SECISBP2L: variants seen among roughly 807,000 people sequenced by gnomAD.
SECISBP2L encodes SECIS binding protein 2 like, also known as selenocysteine insertion sequence-binding protein 2-like.
In SECISBP2L, 43 loss-of-function variants were observed where a neutral mutation model predicts 114.7. That is an observed-to-expected ratio of 0.38 (90% CI 0.29 to 0.48). SECISBP2L has a LOEUF of 0.48. SECISBP2L is among the 20% of genes least tolerant of loss of function. The pLI, the probability that SECISBP2L is intolerant of heterozygous loss-of-function variation, is 0.98. For missense variants in SECISBP2L, 1,136 were observed against 1,301.1 expected, an observed-to-expected ratio of 0.87 and a Z score of 1.95; for synonymous variants, 451 against 439.7, an observed-to-expected ratio of 1.03 and a Z score of -0.32.
intron 2 of SECISBP2L, among the ~76,000 whole-genome samples, chr15:49,037,033 A>G (rs994454221): frequency 5.9e-5 from 9 of 152,198 alleles, no homozygotes; most frequent in Non-Finnish European, 5.9e-5. Context: ...CAGGGTTAGA[A>G]TGGCTATCAC....
chr15:49,037,319 C>G, intron 2 of SECISBP2L: 1 of 164,616 alleles, frequency 6.1e-6, no homozygotes. Flanking sequence ...TTGTTCACCT[C>G]TGAATATTTT....
At chr15:49,041,894 T>A (rs1412735038) in intron 1 of SECISBP2L, among the ~76,000 whole-genome samples, 1 of 152,250 alleles carries the variant, frequency 6.6e-6, no homozygotes, top group East Asian at 1.9e-4. Flanking sequence ...AACTACTAGC[T>A]GTGCTGTTTT....
At chr15:49,035,277 G>T in intron 3 of SECISBP2L, 57 bp downstream of exon 3, 1 of 1,471,710 alleles carries the variant, frequency 6.8e-7, no homozygotes, top group Non-Finnish European at 9.2e-7. Flanking sequence ...GTAGCAAATT[G>T]CTTATACTAA....
chr15:49,005,539 A>G (rs1382683013), intron 14 of SECISBP2L, among the ~76,000 whole-genome samples: 1 of 137,880 alleles, frequency 7.3e-6, no homozygotes, highest in East Asian at 2.2e-4. Context: ...GTTTTATCAG[A>G]GACTAGAATT....
intron 13 of SECISBP2L, among the ~76,000 whole-genome samples, chr15:49,011,094 G>A (rs1250482274): frequency 6.6e-6 from 1 of 152,154 alleles, no homozygotes; most frequent in Non-Finnish European, 1.5e-5. Context: ...ATGAAACATT[G>A]TTGCTTAATC....
chr15:49,029,478 C>A (rs972521138), intron 4 of SECISBP2L, among the ~76,000 whole-genome samples: 1 of 152,212 alleles, frequency 6.6e-6, no homozygotes, highest in African/African-American at 2.4e-5. Flanking sequence ...CACCTCAACA[C>A]TGGCTTTCAG....
chr15:49,045,271 C>T (rs1439608289), intron 1 of SECISBP2L, among the ~76,000 whole-genome samples: 3 of 152,066 alleles, frequency 2.0e-5, no homozygotes, highest in African/African-American at 4.8e-5. Context: ...AAATACAAAC[C>T]GGCTTCAACT....
chr15:49,016,781 CCTT>C (rs1490388086), intron 10 of SECISBP2L, 64 bp downstream of exon 10: 38 of 1,552,026 alleles, frequency 2.4e-5, no homozygotes, highest in Middle Eastern at 1.7e-4. Context: ...ATTTATCACT[CCTT>C]CTATCTATTC....
intron 4 of SECISBP2L, 59 bp from the exon 5 acceptor site, chr15:49,028,741 T>C (rs1252957058): frequency 7.4e-7 from 1 of 1,355,288 alleles, no homozygotes; most frequent in Non-Finnish European, 1.0e-6. Context: ...TAAATTCTCA[T>C]TAAATCATCA....
intron 1 of SECISBP2L, among the ~76,000 whole-genome samples, chr15:49,040,929 T>C (rs1903115900): frequency 6.6e-6 from 1 of 151,550 alleles, no homozygotes; most frequent in Admixed American, 6.6e-5. Flanking sequence ...TTTAATTATA[T>C]TATTATACAA....
Position 49,046,286 on chromosome 15 carries a change from G to A in SECISBP2L, c.14C>T (p.Pro5Leu), listed in dbSNP as rs1298405291. The A allele has an allele frequency of 1.3e-6, 2 of 1,560,192 alleles. No individual in the cohort carries two copies. Among genetic ancestry groups the A allele is most frequent in the South Asian group, 2.4e-5 (2 of 84,932 alleles). The change falls in exon 1 of 18, where the codon CCC becomes CTC. Residue 5 changes from proline (P) to leucine (L), a missense_variant. Coordinates refer to ENST00000559471, the MANE Select transcript of SECISBP2L (RefSeq NM_001193489.2). MDRA[P>L]TEQNVKLSAE... ...CCCAAACCCGCGTACCTGCTCCGTG[G>A]GGGCTCGGTCCATGGTGCCTGCAGC...
intron 17 of SECISBP2L, among the ~76,000 whole-genome samples, chr15:48,994,866 AGT>A (rs1434429391): frequency 6.6e-6 from 1 of 150,442 alleles, no homozygotes; most frequent in African/African-American, 2.5e-5. Context: ...AAAACAGTCT[AGT>A]AAGTGAAAAT....
At chr15:49,039,985 T>C (rs1399195564) in intron 1 of SECISBP2L, among the ~76,000 whole-genome samples, 1 of 152,086 alleles carries the variant, frequency 6.6e-6, no homozygotes, top group East Asian at 1.9e-4. Context: ...AATAAATAAT[T>C]TTAAAATAAC....
In SECISBP2L at chr15:48,992,348, A is replaced by G. The variant is rs1420135442; in HGVS notation, c.3202T>C (p.Trp1068Arg). ...GGACTGGCCTGCTGGTCAGCAGTCC[A>G]TGCCTCACTGTCCATCCCTGGCTCC... ...VLEPGMDSEA[W>R]TADQQASPGQ... Residue 1068 changes from tryptophan to arginine, a missense_variant, in exon 18 of 18, where the codon TGG (tryptophan) becomes CGG (arginine). Around this residue, in one of 2 missense-constraint regions of SECISBP2L, gnomAD observed 684 missense variants for 848.7 expected, o/e 0.81. Transcript: ENST00000559471. 2 of 1,614,130 alleles carry G rather than the reference A, an allele frequency of 1.2e-6. No individual in the cohort carries two copies. The highest frequency in any genetic ancestry group is 1.6e-4 in the Middle Eastern group (1 of 6,062).
In SECISBP2L at chr15:48,993,686, A is replaced by AATATATAT. The variant is rs35939252; in HGVS notation, c.2624-768_2624-761dup. 5.5e-3 allele frequency among the ~76,000 whole-genome samples: 818 copies of AATATATAT among 148,790 alleles called. 7 individuals are homozygous for AATATATAT. The highest frequency in any genetic ancestry group is 0.019 in the African/African-American group (770 of 40,568). ...TAACATCTGTGAAAGGTTGTTTTAT[A>AATATATAT]ATATATATATATATATAGCTTGGCT... On this transcript the variant is annotated intron_variant, in intron 17 of 17. Transcript: ENST00000559471.
At chr15:49,042,722 G>C (rs1252792242) in intron 1 of SECISBP2L, 1 of 151,680 alleles carries the variant, frequency 6.6e-6, no homozygotes, top group African/African-American at 2.4e-5. Flanking sequence ...ATTCTTTTTT[G>C]ACCTAAGAGC....
intron 3 of SECISBP2L, 143 bp from the exon 4 acceptor site, chr15:49,033,243 G>A (rs1417846105): frequency 2.1e-6 from 2 of 966,822 alleles, no homozygotes. Flanking sequence ...TGGGGAAATA[G>A]TACTAGGGTT....
chr15:49,043,222 A>T (rs1259088510), intron 1 of SECISBP2L, among the ~76,000 whole-genome samples: 1 of 152,220 alleles, frequency 6.6e-6, no homozygotes, highest in African/African-American at 2.4e-5. Flanking sequence ...TTTAGAATAC[A>T]TTTCATTTGG....
chr15:48,997,380 A>G (rs946070302), intron 16 of SECISBP2L, among the ~76,000 whole-genome samples: 1 of 152,202 alleles, frequency 6.6e-6, no homozygotes, highest in Non-Finnish European at 1.5e-5. Context: ...TAATATGGAG[A>G]GCTAGGACCT....
Sources: allele counts gnomAD v4.1 joint callset (sites outside exome capture counted in the v4.1 genomes callset), GRCh38; gene constraint gnomAD v4.1.1; regional missense constraint gnomAD v4.1.1; transcripts MANE v1.5; gene names NCBI Gene and HGNC (gene_info 2026-07-23, HGNC 2026-07-21).